The following ARB2A variants were observed in gnomAD, a reference collection of about 807,000 sequenced individuals.
The protein encoded by ARB2A is cotranscriptional regulator ARB2A.
chr5:93,774,906 A>T, the ARB2A span, among the ~76,000 whole-genome samples: 1 of 152,198 alleles, frequency 6.6e-6, no homozygotes, highest in East Asian at 1.9e-4. Context: ...CTTGTATTTC[A>T]TCTAGGAGCA....
At chr5:93,623,037 T>A in the ARB2A span, among the ~76,000 whole-genome samples, 1 of 152,186 alleles carries the variant, frequency 6.6e-6, no homozygotes, top group Admixed American at 6.5e-5. Context: ...CTGCTTTAAA[T>A]GATATTTGCG....
the ARB2A span, among the ~76,000 whole-genome samples, chr5:94,085,744 TAGG>T: frequency 6.6e-6 from 1 of 152,244 alleles, no homozygotes; most frequent in East Asian, 1.9e-4. Context: ...TCTCCAATTA[TAGG>T]AGAGCAAATA....
the ARB2A span, chr5:93,741,511 C>T: frequency 6.2e-7 from 1 of 1,610,074 alleles, no homozygotes; most frequent in East Asian, 2.2e-5. Context: ...GGGGCCGCCC[C>T]CACCACTGCC....
the ARB2A span, chr5:93,881,362 T>C: frequency 7.2e-6 from 6 of 827,624 alleles, no homozygotes; most frequent in East Asian, 5.6e-5. Flanking sequence ...AAATAAATGA[T>C]GACAAATAAA....
chr5:93,984,966 C>T, the ARB2A span, among the ~76,000 whole-genome samples: 1 of 152,140 alleles, frequency 6.6e-6, no homozygotes, highest in Non-Finnish European at 1.5e-5. Context: ...TTCCTTCATC[C>T]CTGTCCTCCT....
At chr5:94,021,988 T>C in the ARB2A span, among the ~76,000 whole-genome samples, 2 of 152,110 alleles carry the variant, frequency 1.3e-5, no homozygotes, top group African/African-American at 2.4e-5. Flanking sequence ...GGAGAATCGC[T>C]TGAACTTGGG....
chr5:93,960,065 T>C, the ARB2A span, among the ~76,000 whole-genome samples: 569 of 124,176 alleles, frequency 4.6e-3, 5 homozygotes, highest in South Asian at 9.7e-3. Context: ...ATAGGAAGTA[T>C]ACAAAAACTC....
At chr5:93,874,618 T>C in the ARB2A span, among the ~76,000 whole-genome samples, 2 of 152,126 alleles carry the variant, frequency 1.3e-5, no homozygotes, top group Non-Finnish European at 2.9e-5. Context: ...GCTCTGTGAG[T>C]CATTCTAGCA....
chr5:93,644,358 T>A, the ARB2A span, among the ~76,000 whole-genome samples: 2 of 152,204 alleles, frequency 1.3e-5, no homozygotes, highest in African/African-American at 2.4e-5. Flanking sequence ...CAGTGTGGAA[T>A]TTTAGAAGCC....
the ARB2A span, among the ~76,000 whole-genome samples, chr5:93,876,245 T>C: frequency 6.6e-6 from 1 of 152,182 alleles, no homozygotes; most frequent in African/African-American, 2.4e-5. Context: ...TTGATGACAT[T>C]TTCTGTTTTC....
chr5:94,050,264 T>C, the ARB2A span, among the ~76,000 whole-genome samples: 6 of 150,456 alleles, frequency 4.0e-5, no homozygotes, highest in African/African-American at 1.2e-4. Flanking sequence ...TTTTTTTTTT[T>C]TTTTTTTTGA....
At chr5:93,905,436 G>T in the ARB2A span, among the ~76,000 whole-genome samples, 9 of 151,742 alleles carry the variant, frequency 5.9e-5, no homozygotes, top group East Asian at 1.7e-3. Context: ...AATTGGAAGA[G>T]GGTGAGGTGA....
chr5:93,825,406 G>A, the ARB2A span, among the ~76,000 whole-genome samples: 2 of 152,180 alleles, frequency 1.3e-5, no homozygotes, highest in South Asian at 4.2e-4. Flanking sequence ...TTAGCCATTT[G>A]TAAACTACTG....
At chr5:93,661,896 C>T in the ARB2A span, among the ~76,000 whole-genome samples, 1 of 151,938 alleles carries the variant, frequency 6.6e-6, no homozygotes, top group Non-Finnish European at 1.5e-5. Context: ...CCATGCATTT[C>T]CTAAAGTACT....
At chr5:94,013,444 G>A in the ARB2A span, among the ~76,000 whole-genome samples, 2 of 152,090 alleles carry the variant, frequency 1.3e-5, no homozygotes, top group Non-Finnish European at 2.9e-5. Context: ...CCAAAGTGCT[G>A]GGATTACAGG....
the ARB2A span, among the ~76,000 whole-genome samples, chr5:93,810,180 C>T: frequency 2.8e-4 from 42 of 149,532 alleles, 1 homozygote; most frequent in African/African-American, 9.6e-4. Context: ...TACAAATTTT[C>T]GTTGTGTAGG....
At chr5:93,680,822 G>A in the ARB2A span, among the ~76,000 whole-genome samples, 5 of 152,132 alleles carry the variant, frequency 3.3e-5, no homozygotes, top group Admixed American at 3.3e-4. Context: ...TAAAGACAGG[G>A]TCTGGACTAA....
chr5:93,740,464 C>G, the ARB2A span: 1 of 1,172,302 alleles, frequency 8.5e-7, no homozygotes, highest in Admixed American at 2.4e-5. Flanking sequence ...CTTCTTTAGA[C>G]AGTGAATGAG....
At chr5:94,011,287 C>T in the ARB2A span, among the ~76,000 whole-genome samples, 1 of 152,248 alleles carries the variant, frequency 6.6e-6, no homozygotes, top group East Asian at 1.9e-4. Flanking sequence ...TCTATATATT[C>T]TCATTCCTTT....
Sources: gnomAD v4.1 joint callset for allele counts (sites outside exome capture counted in the v4.1 genomes callset) on GRCh38, gnomAD v4.1.1 for gene constraint, MANE v1.5 for transcripts, NCBI Gene and HGNC (gene_info 2026-07-23, HGNC 2026-07-21) for gene names.